Variants in NPAS3 observed in about 807,000 individuals in gnomAD.
NPAS3 encodes the protein neuronal PAS domain protein 3.
A neutral mutation model predicts 73.1 loss-of-function variants in NPAS3; 14 were observed. That is an observed-to-expected ratio of 0.19 (90% CI 0.13 to 0.30). NPAS3 has a LOEUF of 0.30. NPAS3 is among the 10% of genes least tolerant of loss of function. The probability of loss-of-function intolerance (pLI) is 1.00; values close to 1 mark genes in which losing one functional copy is unlikely to be tolerated. For synonymous variants in NPAS3, 620 were observed against 541.5 expected (o/e 1.14, Z -2.01); for missense variants, 1,096 against 1,250.0 (o/e 0.88, Z 1.86).
At chr14:33,501,186 A>G (rs767845448) in intron 4 of NPAS3, among the ~76,000 whole-genome samples, 1 of 151,938 alleles carries the variant, frequency 6.6e-6, no homozygotes, top group Non-Finnish European at 1.5e-5. Context: ...CATCCATTCT[A>G]TTAGGCACTA....
chr14:33,479,504 A>C (rs1223001987), intron 4 of NPAS3, among the ~76,000 whole-genome samples: 1 of 152,192 alleles, frequency 6.6e-6, no homozygotes, highest in Non-Finnish European at 1.5e-5. Flanking sequence ...AGATGACAAT[A>C]AAATAAAACA....
intron 6 of NPAS3, among the ~76,000 whole-genome samples, chr14:33,696,803 G>A (rs905775963): frequency 2.0e-5 from 3 of 152,152 alleles, no homozygotes; most frequent in African/African-American, 4.8e-5. Flanking sequence ...CGTATATAAC[G>A]TATATGACTT....
At position 33,367,167 on chromosome 14, in the gene NPAS3, T is replaced by C; in HGVS notation, c.386-19T>C. 1 of 832,040 alleles carries C rather than the reference T, an allele frequency of 1.2e-6. No homozygotes were observed. The highest frequency in any genetic ancestry group is 1.7e-5 in the African/African-American group (1 of 59,104). The allele number at this position is 832,040 out of a possible 1,614,324, so 51.5% of individuals were successfully genotyped here. A position where few individuals can be genotyped will look rare whatever the true frequency, so the allele number is the denominator to read the frequency against. On this transcript the variant is annotated intron_variant, in intron 3 of 11. Coordinates refer to ENST00000356141, the Ensembl canonical transcript of NPAS3. ...TCCAACTTAATTGTTCTGTTTTCTT[T>C]CTTTCTTTTTCTTTTAAGTTATAGG... is the stretch of plus-strand genomic sequence containing the variant.
At chr14:33,722,709 A>G (rs1403150804) in intron 6 of NPAS3, among the ~76,000 whole-genome samples, 1 of 152,190 alleles carries the variant, frequency 6.6e-6, no homozygotes, top group Non-Finnish European at 1.5e-5. Context: ...TTAGCAAAAT[A>G]ACAGATATAG....
chr14:33,679,135 C>T (rs1031525755), intron 6 of NPAS3, among the ~76,000 whole-genome samples: 1 of 152,204 alleles, frequency 6.6e-6, no homozygotes, highest in African/African-American at 2.4e-5. Flanking sequence ...CTGCCTTCCA[C>T]ATCACTTGAC....
intron 4 of NPAS3, among the ~76,000 whole-genome samples, chr14:33,532,287 A>C (rs886504410): frequency 1.3e-5 from 2 of 152,140 alleles, no homozygotes; most frequent in Admixed American, 1.3e-4. Context: ...TTCCAAGTCC[A>C]GTCTCAGTTT....
At chr14:33,060,751 T>C (rs1013113099) in intron 2 of NPAS3, among the ~76,000 whole-genome samples, 5 of 152,168 alleles carry the variant, frequency 3.3e-5, no homozygotes, top group Non-Finnish European at 7.3e-5. Context: ...TAGCTGATGG[T>C]GTTACTGTTC....
At chr14:33,524,821 G>A (rs1017039810) in intron 4 of NPAS3, among the ~76,000 whole-genome samples, 1 of 152,118 alleles carries the variant, frequency 6.6e-6, no homozygotes, top group African/African-American at 2.4e-5. Flanking sequence ...ATCGCTTGTA[G>A]ATACATCATT....
At chr14:33,229,394 C>T (rs1340287673) in intron 3 of NPAS3, among the ~76,000 whole-genome samples, 1 of 152,086 alleles carries the variant, frequency 6.6e-6, no homozygotes, top group African/African-American at 2.4e-5. Flanking sequence ...ATAGAAAGAT[C>T]AAAAGAGTAG....
At chr14:33,188,215 A>C (rs1009993745) in intron 2 of NPAS3, among the ~76,000 whole-genome samples, 1 of 152,196 alleles carries the variant, frequency 6.6e-6, no homozygotes, top group Non-Finnish European at 1.5e-5. Context: ...GTCAGTTATG[A>C]CTATTATTAG....
At chr14:33,394,307 C>G (rs1038473407) in intron 4 of NPAS3, among the ~76,000 whole-genome samples, 8 of 152,126 alleles carry the variant, frequency 5.3e-5, no homozygotes, top group African/African-American at 1.9e-4. Context: ...AGATAATAAC[C>G]TTGAAATTCT....
intron 4 of NPAS3, among the ~76,000 whole-genome samples, chr14:33,493,812 A>ATGT (rs1394860700): frequency 6.6e-6 from 1 of 152,114 alleles, no homozygotes; most frequent in African/African-American, 2.4e-5. Context: ...TTCATAAAGG[A>ATGT]TGTTTTGTCA....
intron 5 of NPAS3, among the ~76,000 whole-genome samples, chr14:33,620,967 T>C (rs2058060710): frequency 6.6e-6 from 1 of 152,164 alleles, no homozygotes; most frequent in African/African-American, 2.4e-5. Flanking sequence ...TGAAAATGCT[T>C]TACCATTAGT....
At chr14:33,115,197 G>A (rs1335016387) in intron 2 of NPAS3, among the ~76,000 whole-genome samples, 2 of 152,178 alleles carry the variant, frequency 1.3e-5, no homozygotes, top group Non-Finnish European at 1.5e-5. Context: ...ACTGTGGACT[G>A]AAAGAAGGCT....
chr14:33,079,392 C>A (rs1277112056), intron 2 of NPAS3, among the ~76,000 whole-genome samples: 2 of 143,664 alleles, frequency 1.4e-5, no homozygotes, highest in Admixed American at 1.4e-4. Flanking sequence ...GATCTCGGCT[C>A]ACTGCAACCT....
Position 33,800,841 on chromosome 14 carries a change from T to C in NPAS3, c.2534T>C (p.Leu845Pro). Reference sequence around the variant, plus strand: ...ACCCTGGCCATGCAGAGCAACCTGCTGCCCAACGCGCACGCTGTTAACTTC... The same window carrying C: ...ACCCTGGCCATGCAGAGCAACCTGCCGCCCAACGCGCACGCTGTTAACTTC... Residue 845 changes from leucine (L) to proline (P), a missense_variant, in exon 12 of 12, where the codon CTG becomes CCG. Coordinates refer to ENST00000356141, the Ensembl canonical transcript of NPAS3. The surrounding 1 kb of genome is among the most constrained non-coding windows in gnomAD (Gnocchi z 6.5). 1 of 1,604,272 alleles carries C rather than the reference T, an allele frequency of 6.2e-7. No individual in the cohort carries two copies. Among genetic ancestry groups the C allele is most frequent in the Non-Finnish European group, 8.5e-7 (1 of 1,175,938 alleles).
chr14:33,647,210 CCAAA>C (rs1348969518), intron 5 of NPAS3, among the ~76,000 whole-genome samples: 1 of 151,872 alleles, frequency 6.6e-6, no homozygotes, highest in Non-Finnish European at 1.5e-5. Flanking sequence ...CCAGAATGCA[CCAAA>C]TGGCATAGCA....
At chr14:33,445,792 T>C (rs191169493) in intron 4 of NPAS3, among the ~76,000 whole-genome samples, 235 of 152,346 alleles carry the variant, frequency 1.5e-3, no homozygotes, top group African/African-American at 4.1e-3. Context: ...AATGAACTTC[T>C]TGGTTACCCA....
chr14:33,784,542 T>C (rs1051849789), intron 9 of NPAS3, among the ~76,000 whole-genome samples: 2 of 151,988 alleles, frequency 1.3e-5, no homozygotes, highest in East Asian at 1.9e-4. Flanking sequence ...GTCTAAGGCA[T>C]TGCAGGCTTA....
Sources: allele counts gnomAD v4.1 joint callset (sites outside exome capture counted in the v4.1 genomes callset), GRCh38; gene constraint gnomAD v4.1.1; non-coding constraint Gnocchi (gnomAD v3.1); transcripts MANE v1.5; gene names NCBI Gene and HGNC (gene_info 2026-07-23, HGNC 2026-07-21).